SYNDIG1L: variants seen among roughly 807,000 people sequenced by gnomAD.
SYNDIG1L encodes the protein synapse differentiation inducing 1 like.
Under a neutral mutation model 20.1 loss-of-function variants are expected in SYNDIG1L, and 13 were observed. The observed-to-expected ratio is 0.65, with a 90% CI of 0.42 to 1.03. The LOEUF (loss-of-function observed/expected upper bound fraction) is 1.03, where lower values mean the gene tolerates loss of function less well. Ranked by LOEUF, SYNDIG1L falls within the 50% of genes least tolerant of loss-of-function variation. The probability of loss-of-function intolerance (pLI) is 0.00; values close to 1 mark genes in which losing one functional copy is unlikely to be tolerated. For synonymous variants in SYNDIG1L, 128 were observed against 129.3 expected (o/e 0.99, Z 0.07); for missense variants, 294 against 305.1 (o/e 0.96, Z 0.27).
At chr14:74,461,914 T>A in the SYNDIG1L span, among the ~76,000 whole-genome samples, 1 of 137,180 alleles carries the variant, frequency 7.3e-6, no homozygotes. Flanking sequence ...AAACCCTATC[T>A]CAACAAAAAA....
the SYNDIG1L span, among the ~76,000 whole-genome samples, chr14:74,454,003 G>A: frequency 1.4e-4 from 21 of 151,848 alleles, no homozygotes; most frequent in Admixed American, 1.4e-3. Context: ...CAAAAAAACT[G>A]AATAAAAATA....
At chr14:74,408,028 A>G (rs774878855) in intron 2 of SYNDIG1L, 39 bp from the exon 3 acceptor site, 5 of 1,558,338 alleles carry the variant, frequency 3.2e-6, no homozygotes, top group Non-Finnish European at 4.3e-6. Context: ...GCCCAGGATC[A>G]GCCCAGCCCC....
the SYNDIG1L span, among the ~76,000 whole-genome samples, chr14:74,477,963 T>G: frequency 6.6e-6 from 1 of 152,238 alleles, no homozygotes; most frequent in African/African-American, 2.4e-5. Flanking sequence ...ACGGGAGCCC[T>G]ACCTAGCTCA....
intron 1 of SYNDIG1L, among the ~76,000 whole-genome samples, chr14:74,422,478 A>G (rs1035442558): frequency 1.3e-5 from 2 of 151,822 alleles, no homozygotes; most frequent in Admixed American, 1.3e-4. Context: ...CTGTCTGCCC[A>G]GTGTACTTTG....
At chr14:74,433,275 G>A in the SYNDIG1L span, among the ~76,000 whole-genome samples, 2 of 152,244 alleles carry the variant, frequency 1.3e-5, no homozygotes, top group South Asian at 2.1e-4. Context: ...CTGTATCAAG[G>A]GACAGAGTAA....
chr14:74,409,563 T>A lies in SYNDIG1L; in HGVS notation c.182A>T (p.Gln61Leu), dbSNP rs1354909529. The change falls in exon 2 of 4, where the codon CAG (glutamine) becomes CTG (leucine). Residue 61 changes from glutamine to leucine, a missense_variant. Transcript: ENST00000331628. ...CCGGTACCAGGCCTCCACGGCCAGC[T>A]GCAGGGACCCTGGGTCCAGGAGCTG... ...AHQLLDPGSLQLAVEAWYRPS... is the reference protein window; with the variant it reads ...AHQLLDPGSLLLAVEAWYRPS... 1.3e-6 allele frequency: 2 copies of A among 1,532,322 alleles called. No homozygotes were observed. Among genetic ancestry groups the A allele is most frequent in the Non-Finnish European group, 1.8e-6 (2 of 1,140,680 alleles). The allele number at this position is 1,532,322 out of a possible 1,614,324, so 94.9% of individuals were successfully genotyped here.
upstream of SYNDIG1L, among the ~76,000 whole-genome samples, chr14:74,429,752 G>T (rs2086290145): frequency 6.6e-6 from 1 of 152,250 alleles, no homozygotes; most frequent in South Asian, 2.1e-4. Context: ...GGATGACACA[G>T]TTCCAAGGAA....
At chr14:74,463,302 C>T in the SYNDIG1L span, among the ~76,000 whole-genome samples, 1 of 152,210 alleles carries the variant, frequency 6.6e-6, no homozygotes, top group African/African-American at 2.4e-5. Flanking sequence ...TTTTGCCCCT[C>T]CATGGCTGTA....
At chr14:74,412,207 G>A (rs1267167958) in intron 1 of SYNDIG1L, among the ~76,000 whole-genome samples, 1 of 152,212 alleles carries the variant, frequency 6.6e-6, no homozygotes, top group Non-Finnish European at 1.5e-5. Flanking sequence ...AGTGCCCAAG[G>A]CAGAGGCCTT....
chr14:74,429,973 T>C (rs769868524), upstream of SYNDIG1L, among the ~76,000 whole-genome samples: 3 of 152,176 alleles, frequency 2.0e-5, no homozygotes, highest in Non-Finnish European at 4.4e-5. Flanking sequence ...CTTTTTTCCA[T>C]AGGAGACTGC....
the SYNDIG1L span, among the ~76,000 whole-genome samples, chr14:74,439,455 C>T: frequency 1.3e-5 from 2 of 152,260 alleles, no homozygotes; most frequent in Admixed American, 1.3e-4. Context: ...TGTCATGAGT[C>T]TTGGCTTGAG....
At chr14:74,427,597 G>C (rs2086276612), upstream of SYNDIG1L, among the ~76,000 whole-genome samples, 2 of 152,142 alleles carry the variant, frequency 1.3e-5, no homozygotes, top group Non-Finnish European at 2.9e-5. Flanking sequence ...TGTTTAACTT[G>C]TTGGGTGCTA....
rs532506920 is a variant in SYNDIG1L, at chr14:74,405,965, C to T, written c.*1570G>A. On this transcript the variant is annotated 3_prime_UTR_variant, in exon 4 of 4. Coordinates refer to ENST00000331628, the MANE Select transcript of SYNDIG1L (RefSeq NM_001105579.2). ...ATGGGACCTTAAAACTGCTGTGATG[C>T]AGGAGTGGAGGGCTGGGCAGTGCCC... 6 of 398,778 alleles carry T rather than the reference C, an allele frequency of 1.5e-5. No individual in the cohort carries two copies. The highest frequency in any genetic ancestry group is 8.8e-5 in the Admixed American group (2 of 22,732). The allele number at this position is 398,778 out of a possible 1,614,324, so 24.7% of individuals were successfully genotyped here. A position where few individuals can be genotyped will look rare whatever the true frequency, so the allele number is the denominator to read the frequency against.
the SYNDIG1L span, among the ~76,000 whole-genome samples, chr14:74,464,565 G>A: frequency 1.3e-4 from 20 of 152,248 alleles, no homozygotes; most frequent in Admixed American, 3.3e-4. Context: ...CCCAGAGGCA[G>A]CTTCAGAATA....
At chr14:74,451,184 A>G in the SYNDIG1L span, among the ~76,000 whole-genome samples, 1 of 152,256 alleles carries the variant, frequency 6.6e-6, no homozygotes, top group Non-Finnish European at 1.5e-5. Context: ...TTAAAAAGCT[A>G]CAATAATCAA....
At chr14:74,429,079 C>T (rs1215981279), upstream of SYNDIG1L, among the ~76,000 whole-genome samples, 1 of 152,096 alleles carries the variant, frequency 6.6e-6, no homozygotes, top group Non-Finnish European at 1.5e-5. Flanking sequence ...AAATTTTCTT[C>T]AGCTAAAAAG....
intron 1 of SYNDIG1L, among the ~76,000 whole-genome samples, chr14:74,410,232 T>C (rs899566271): frequency 2.6e-5 from 4 of 152,168 alleles, no homozygotes; most frequent in Admixed American, 1.3e-4. Flanking sequence ...CATGTAAGCA[T>C]GCACAATGGA....
chr14:74,450,399 A>G, the SYNDIG1L span, among the ~76,000 whole-genome samples: 2 of 152,220 alleles, frequency 1.3e-5, no homozygotes, highest in African/African-American at 4.8e-5. Flanking sequence ...AAAGTACAGA[A>G]CAATATCCTG....
At chr14:74,411,028 T>G (rs1468917433) in intron 1 of SYNDIG1L, among the ~76,000 whole-genome samples, 1 of 152,042 alleles carries the variant, frequency 6.6e-6, no homozygotes, top group Non-Finnish European at 1.5e-5. Context: ...GTGTGGCAGG[T>G]GCAAGTGGGG....
Sources: allele counts gnomAD v4.1 joint callset (sites outside exome capture counted in the v4.1 genomes callset), GRCh38; gene constraint gnomAD v4.1.1; transcripts MANE v1.5; gene names NCBI Gene and HGNC (gene_info 2026-07-23, HGNC 2026-07-21).